The following CDH4 variants were observed in gnomAD, a reference collection of about 807,000 sequenced individuals.
CDH4 encodes cadherin 4.
Under a neutral mutation model 86.0 loss-of-function variants are expected in CDH4, and 33 were observed. That is an observed-to-expected ratio of 0.38 (90% CI 0.29 to 0.51). CDH4 has a LOEUF of 0.51. CDH4 is among the 20% of genes least tolerant of loss of function. CDH4 has a pLI of 0.86. For missense variants in CDH4, 1,114 were observed against 1,307.4 expected (o/e 0.85, Z 2.28); for synonymous variants, 555 against 549.4 (o/e 1.01, Z -0.14).
At chr20:61,718,237 TC>T (rs1356153594) in intron 2 of CDH4, 1 of 160,938 alleles carries the variant, frequency 6.2e-6, no homozygotes, top group Non-Finnish European at 1.4e-5. Flanking sequence ...GGCCCTGCCT[TC>T]CAGACCCCAC....
chr20:61,656,835 G>A (rs1166506664), intron 2 of CDH4, among the ~76,000 whole-genome samples: 2 of 152,218 alleles, frequency 1.3e-5, no homozygotes, highest in Non-Finnish European at 2.9e-5. Context: ...GCTGTGAAAG[G>A]ACAGAACCAG....
At chr20:61,617,079 C>T (rs1440967877) in intron 2 of CDH4, among the ~76,000 whole-genome samples, 2 of 152,202 alleles carry the variant, frequency 1.3e-5, no homozygotes, top group African/African-American at 2.4e-5. Context: ...GAAGAACTGG[C>T]ACTTGGTCCA....
At chr20:61,764,425 C>T (rs2088674353) in intron 3 of CDH4, among the ~76,000 whole-genome samples, 1 of 152,128 alleles carries the variant, frequency 6.6e-6, no homozygotes, top group South Asian at 2.1e-4. Flanking sequence ...GACTGTATCC[C>T]TGGGAAGAGA....
At chr20:61,692,859 G>C (rs1422347575) in intron 2 of CDH4, among the ~76,000 whole-genome samples, 5 of 149,084 alleles carry the variant, frequency 3.4e-5, no homozygotes, top group Middle Eastern at 3.4e-3. Context: ...TTTTGCAAAT[G>C]CTAGATAGGA....
intron 2 of CDH4, among the ~76,000 whole-genome samples, chr20:61,406,857 G>A (rs1202629442): frequency 7.6e-6 from 1 of 132,398 alleles, no homozygotes; most frequent in East Asian, 2.4e-4. Flanking sequence ...ACCACCATCT[G>A]CCATCTGCTC....
chr20:61,440,907 C>T (rs994612045), intron 2 of CDH4, among the ~76,000 whole-genome samples: 1 of 152,128 alleles, frequency 6.6e-6, no homozygotes, highest in Non-Finnish European at 1.5e-5. Flanking sequence ...CTGTAGTTGT[C>T]GGGAAGAGCC....
chr20:61,796,475 C>T (rs1179050408), intron 4 of CDH4, among the ~76,000 whole-genome samples: 1 of 152,234 alleles, frequency 6.6e-6, no homozygotes, highest in Non-Finnish European at 1.5e-5. Flanking sequence ...ACTGCCCTGC[C>T]TCCCATTTCC....
rs191306170 is a variant in CDH4, at chr20:61,367,938, T to C, written c.169+113001T>C. Among the ~76,000 whole-genome samples the C allele has an allele frequency of 5.4e-4, 82 of 150,498 alleles. 2 individuals are homozygous for C. Among genetic ancestry groups the C allele is most frequent in the South Asian group, 1.7e-3 (8 of 4,674 alleles). ...CAGGCTGGAGTGCAGTGGCATGCTC[T>C]TGGCTCACTGCAACCTCTGCCTCCT... On this transcript the variant is annotated intron_variant, in intron 2 of 15. Transcript: ENST00000614565.
intron 2 of CDH4, chr20:61,600,136 G>A (rs1351473580): frequency 9.7e-6 from 2 of 206,486 alleles, no homozygotes; most frequent in Non-Finnish European, 1.7e-5. Context: ...TGGGGAAGCC[G>A]TGAGAAAGCA....
intron 7 of CDH4, among the ~76,000 whole-genome samples, chr20:61,891,072 G>A (rs1468509033): frequency 2.0e-5 from 3 of 152,110 alleles, no homozygotes; most frequent in Non-Finnish European, 2.9e-5. Flanking sequence ...GCGGAAGGAG[G>A]GAGAGGGACA....
chr20:61,587,338 A>G (rs914188484), intron 2 of CDH4, among the ~76,000 whole-genome samples: 1 of 151,990 alleles, frequency 6.6e-6, no homozygotes, highest in African/African-American at 2.4e-5. Context: ...TCTGGTTTCT[A>G]CCATCTTCCT....
intron 3 of CDH4, among the ~76,000 whole-genome samples, chr20:61,768,112 TC>T (rs1221994091): frequency 6.6e-6 from 1 of 152,158 alleles, no homozygotes; most frequent in East Asian, 1.9e-4. Flanking sequence ...AGCTAAACTG[TC>T]AGGATGCGGG....
intron 8 of CDH4, among the ~76,000 whole-genome samples, chr20:61,903,637 C>T (rs1303517740): frequency 6.6e-6 from 1 of 151,112 alleles, no homozygotes; most frequent in Non-Finnish European, 1.5e-5. Flanking sequence ...TATTCATTCG[C>T]GGATGTATAA....
At chr20:61,550,981 CAGTT>C (rs1351260790) in intron 2 of CDH4, among the ~76,000 whole-genome samples, 1 of 152,320 alleles carries the variant, frequency 6.6e-6, no homozygotes, top group African/African-American at 2.4e-5. Flanking sequence ...GTCAGTCAGA[CAGTT>C]GGTTGAAATC....
At chr20:61,787,303 G>T (rs1263246965) in intron 4 of CDH4, among the ~76,000 whole-genome samples, 3 of 152,162 alleles carry the variant, frequency 2.0e-5, no homozygotes, top group Non-Finnish European at 1.5e-5. Context: ...CAGCAGGTCT[G>T]GGGAGGCCTC....
At chr20:61,419,129 A>G (rs770238066) in intron 2 of CDH4, among the ~76,000 whole-genome samples, 5 of 152,164 alleles carry the variant, frequency 3.3e-5, no homozygotes, top group Non-Finnish European at 5.9e-5. Flanking sequence ...TCCATGGAGA[A>G]AGGCCTCGCA....
rs562278837 is a variant in CDH4, at chr20:61,676,876, G to A, written c.170-66687G>A. Among the ~76,000 whole-genome samples, 14 of 152,260 alleles carry A rather than the reference G, an allele frequency of 9.2e-5. No individual in the cohort carries two copies. The highest frequency in any genetic ancestry group is 1.8e-4 in the Non-Finnish European group (12 of 68,014). Reference sequence around the variant, plus strand: ...TGGCTGGGTGGCCTTTGCCAGGGGAGGCCTGACTGGGTGGCCTCTGCTGGA... The same window carrying A: ...TGGCTGGGTGGCCTTTGCCAGGGGAAGCCTGACTGGGTGGCCTCTGCTGGA... On this transcript the variant is annotated intron_variant, in intron 2 of 15. Coordinates refer to ENST00000614565, the MANE Select transcript of CDH4 (RefSeq NM_001794.5). This position sits in a 1 kb window ranked among gnomAD's most constrained non-coding sequence, Gnocchi z 4.5.
At chr20:61,913,477 C>T (rs909624189) in intron 9 of CDH4, among the ~76,000 whole-genome samples, 4 of 152,258 alleles carry the variant, frequency 2.6e-5, no homozygotes, top group Non-Finnish European at 5.9e-5. Context: ...GGCACTGGGC[C>T]AGGCCCTCAG....
intron 2 of CDH4, among the ~76,000 whole-genome samples, chr20:61,353,876 A>G (rs1346823269): frequency 6.6e-6 from 1 of 151,250 alleles, no homozygotes; most frequent in Non-Finnish European, 1.5e-5. Context: ...GTTTAATGAA[A>G]TTTATCTTTG....
Sources: gnomAD v4.1 joint callset for allele counts (sites outside exome capture counted in the v4.1 genomes callset) on GRCh38, gnomAD v4.1.1 for gene constraint, Gnocchi (gnomAD v3.1) non-coding constraint, MANE v1.5 for transcripts, NCBI Gene and HGNC (gene_info 2026-07-23, HGNC 2026-07-21) for gene names.